JAML: variants seen among roughly 807,000 people sequenced by gnomAD.
JAML encodes junctional adhesion molecule-like.
Under a neutral mutation model 39.3 loss-of-function variants are expected in JAML, and 25 were observed. The ratio of observed to expected loss-of-function variants is 0.64; its 90% CI spans 0.46 to 0.89. The LOEUF is 0.89. JAML is among the 40% of genes least tolerant of loss of function. The pLI, the probability that JAML is intolerant of heterozygous loss-of-function variation, is 0.00. For synonymous variants in JAML, 162 were observed against 179.2 expected (o/e 0.90, Z 0.77); for missense variants, 440 against 486.9 (o/e 0.90, Z 0.91).
intron 5 of JAML, chr11:118,205,581 G>A (rs1033398900): frequency 2.4e-5 from 8 of 327,390 alleles, no homozygotes; most frequent in South Asian, 3.3e-5. Context: ...GACTCTATAC[G>A]AAGGAAAAGG....
chr11:118,220,592 C>T (rs1312358511), intron 1 of JAML, among the ~76,000 whole-genome samples: 4 of 152,212 alleles, frequency 2.6e-5, no homozygotes, highest in Admixed American at 2.6e-4. Context: ...GAATCCTCAA[C>T]TTGGCCTCCT....
At chr11:118,224,360 G>A (rs1949239494) in intron 1 of JAML, among the ~76,000 whole-genome samples, 1 of 152,096 alleles carries the variant, frequency 6.6e-6, no homozygotes, top group African/African-American at 2.4e-5. Flanking sequence ...AGCTTTCTTG[G>A]GAGATTTAAG....
At chr11:118,214,985 A>G (rs1949121445) in intron 1 of JAML, 99 bp from the exon 2 acceptor site, 5 of 1,031,402 alleles carry the variant, frequency 4.8e-6, no homozygotes, top group African/African-American at 1.6e-5. Flanking sequence ...CCTCTGTTTG[A>G]GACACTGGTA....
chr11:118,207,781 T>G (rs1793175), intron 4 of JAML, among the ~76,000 whole-genome samples: 1 of 152,192 alleles, frequency 6.6e-6, no homozygotes, highest in East Asian at 1.9e-4. Flanking sequence ...CACTAGCCAC[T>G]GGGGGAATAT....
chr11:118,214,702 A>G (rs1949117310), intron 2 of JAML, 122 bp downstream of exon 2: 1 of 1,015,216 alleles, frequency 9.9e-7, no homozygotes, highest in African/African-American at 1.6e-5. Flanking sequence ...GTGAAGTTCC[A>G]CATTAGGGTT....
chr11:118,203,500 A>C lies in JAML; in HGVS notation c.700T>G (p.Cys234Gly). The C allele has an allele frequency of 6.2e-7, 1 of 1,614,192 alleles. No homozygotes were observed. The highest frequency in any genetic ancestry group is 1.6e-4 in the Middle Eastern group (1 of 6,062). The change falls in exon 6 of 10, where the codon TGC (cysteine) becomes GGC (glycine). Residue 234 changes from cysteine (C) to glycine (G), a missense_variant. Physicochemically the swap from Cys to Gly is radical, Grantham distance 159 (BLOSUM62 -3). Transcript: ENST00000356289. ...VRESDGGNYT[C>G]SIHLGNLVFK... ...ACCAGGTTCCCTAGGTGGATACTGC[A>C]GGTGTAGTTTCCTCCATCTGACTCC...
At chr11:118,203,910 G>T in intron 5 of JAML, 2 of 458,618 alleles carry the variant, frequency 4.4e-6, no homozygotes, top group Non-Finnish European at 7.9e-6. Context: ...AAGAAAAGGA[G>T]GACTTTCATT....
intron 2 of JAML, chr11:118,213,363 A>T: frequency 1.0e-6 from 1 of 993,708 alleles, no homozygotes; most frequent in South Asian, 4.4e-5. Context: ...AAGTGATGGG[A>T]ATGAACAGAA....
At chr11:118,199,696 T>TTA (rs1565474100) in intron 7 of JAML, among the ~76,000 whole-genome samples, 53 of 43,852 alleles carry the variant, frequency 1.2e-3, no homozygotes, top group Non-Finnish European at 2.1e-3. Context: ...TATTATTATT[T>TTA]TTTTTTTTTT....
rs1949218646 is a variant in JAML, at chr11:118,222,401, A to G, written c.-21+2540T>C. Among the ~76,000 whole-genome samples, 1 of 152,096 alleles carries G rather than the reference A, an allele frequency of 6.6e-6. No individual in the cohort carries two copies. Among genetic ancestry groups the G allele is most frequent in the African/African-American group, 2.4e-5 (1 of 41,424 alleles). Reference sequence around the variant, plus strand: ...CACCACTGCATTCCAACCTGGCGACAGAGCGAGACTCCATCTAAACAAACA... The same window carrying G: ...CACCACTGCATTCCAACCTGGCGACGGAGCGAGACTCCATCTAAACAAACA... On this transcript the variant is annotated intron_variant, in intron 1 of 9. Transcript: ENST00000356289. The surrounding 1 kb of genome is among the most constrained non-coding windows in gnomAD (Gnocchi z 4.2).
At chr11:118,219,479 C>T (rs2134678070) in intron 1 of JAML, among the ~76,000 whole-genome samples, 1 of 152,292 alleles carries the variant, frequency 6.6e-6, no homozygotes, top group East Asian at 1.9e-4. Context: ...AACCTGAGGG[C>T]ACAATGACTT....
rs1478344334 is a variant in JAML, at chr11:118,194,319, T to A, written c.*6A>T. On this transcript the variant is annotated 3_prime_UTR_variant, in exon 10 of 10. Coordinates refer to ENST00000356289, the MANE Select transcript of JAML (RefSeq NM_001098526.2). ...GCTGCTGAGATGAAGGGACTCTCCA[T>A]TCTTCTCAAAAGGCTTGCTGTGTTT... 6.8e-6 allele frequency: 11 copies of A among 1,612,490 alleles called. No individual in the cohort carries two copies. Among genetic ancestry groups the A allele is most frequent in the Non-Finnish European group, 7.6e-6 (9 of 1,178,432 alleles).
intron 4 of JAML, among the ~76,000 whole-genome samples, chr11:118,209,838 CTTTTTCTTTT>C (rs1182543056): frequency 1.3e-5 from 2 of 151,818 alleles, no homozygotes; most frequent in Non-Finnish European, 2.9e-5. Context: ...CACACCCAGA[CTTTTTCTTTT>C]TTTTTCTTTT....
chr11:118,204,151 T>C (rs1948870187), intron 5 of JAML: 1 of 175,928 alleles, frequency 5.7e-6, no homozygotes, highest in Admixed American at 5.4e-5. Flanking sequence ...CTGGAACAAA[T>C]CACATTGAAT....
At chr11:118,197,919 G>T in intron 8 of JAML, 79 bp downstream of exon 8, 1 of 1,309,926 alleles carries the variant, frequency 7.6e-7, no homozygotes, top group Non-Finnish European at 1.1e-6. Flanking sequence ...CATACAATGG[G>T]TAAGATATGG....
At chr11:118,223,392 C>T (rs1258960623) in intron 1 of JAML, among the ~76,000 whole-genome samples, 2 of 152,110 alleles carry the variant, frequency 1.3e-5, no homozygotes, top group African/African-American at 2.4e-5. Context: ...TATGGTCAAA[C>T]TATGATTGTA....
At chr11:118,221,940 T>C (rs1949214288) in intron 1 of JAML, among the ~76,000 whole-genome samples, 1 of 152,240 alleles carries the variant, frequency 6.6e-6, no homozygotes, top group Non-Finnish European at 1.5e-5. Context: ...TAAGGTTTAT[T>C]AATTTCACAT....
intron 1 of JAML, 112 bp downstream of exon 1, chr11:118,224,829 C>T (rs898214217): frequency 3.9e-5 from 6 of 152,190 alleles, no homozygotes; most frequent in African/African-American, 1.2e-4. Context: ...GTTCTGCAAT[C>T]GCAGCTTCAC....
intron 4 of JAML, 126 bp from the exon 5 acceptor site, chr11:118,206,117 T>C (rs1339411626): frequency 1.7e-5 from 13 of 752,722 alleles, no homozygotes; most frequent in South Asian, 1.4e-4. Context: ...CACCAAACAC[T>C]GTACGTATTC....
Sources: gnomAD v4.1 joint callset for allele counts (sites outside exome capture counted in the v4.1 genomes callset) on GRCh38, gnomAD v4.1.1 for gene constraint, Gnocchi (gnomAD v3.1) non-coding constraint, MANE v1.5 for transcripts, NCBI Gene and HGNC (gene_info 2026-07-23, HGNC 2026-07-21) for gene names.